SSH2: variants seen among roughly 807,000 people sequenced by gnomAD.
The protein encoded by SSH2 is slingshot protein phosphatase 2.
A neutral mutation model predicts 135.2 loss-of-function variants in SSH2; 37 were observed. The observed-to-expected ratio is 0.27, with a 90% CI of 0.21 to 0.36. SSH2 has a LOEUF of 0.36. Ranked by LOEUF, SSH2 falls within the 10% of genes least tolerant of loss-of-function variation. SSH2 has a pLI of 1.00. For synonymous variants in SSH2, 628 were observed against 646.2 expected, an observed-to-expected ratio of 0.97 and a Z score of 0.43; for missense variants, 1,408 against 1,765.3, an observed-to-expected ratio of 0.80 and a Z score of 3.63.
intron 1 of SSH2, among the ~76,000 whole-genome samples, chr17:29,894,931 A>G (rs1273569348): frequency 1.3e-5 from 2 of 148,722 alleles, no homozygotes; most frequent in Non-Finnish European, 3.0e-5. Context: ...ATTCTTCCAT[A>G]TTCCTCATGG....
At chr17:29,896,673 A>G (rs1364114914) in intron 1 of SSH2, among the ~76,000 whole-genome samples, 1 of 151,498 alleles carries the variant, frequency 6.6e-6, no homozygotes, top group African/African-American at 2.4e-5. Flanking sequence ...TAATTACATG[A>G]TATTCTAATC....
chr17:29,759,161 T>A (rs2041215501), intron 3 of SSH2, among the ~76,000 whole-genome samples: 2 of 152,092 alleles, frequency 1.3e-5, no homozygotes. Context: ...TCAGCCTCCT[T>A]AGTAGCTGAG....
At chr17:29,717,769 G>A (rs778562164) in intron 3 of SSH2, among the ~76,000 whole-genome samples, 3 of 152,172 alleles carry the variant, frequency 2.0e-5, no homozygotes, top group Non-Finnish European at 4.4e-5. Context: ...GCATGGTGGT[G>A]TGCACCTGTA....
intron 3 of SSH2, among the ~76,000 whole-genome samples, chr17:29,746,088 A>C (rs765511352): frequency 6.6e-6 from 1 of 152,236 alleles, no homozygotes; most frequent in Non-Finnish European, 1.5e-5. Flanking sequence ...GGTAGGATTA[A>C]CACAATGATA....
chr17:29,725,347 C>CAAAAAAAAAAAAAAAAAAAAA lies in SSH2; in HGVS notation c.189-22306_189-22286dup, dbSNP rs11449000. On this transcript the variant is annotated intron_variant, in intron 3 of 15. Transcript: ENST00000540801. ...GGGCGACACAGCAAGAATCAGTCTC[C>CAAAAAAAAAAAAAAAAAAAAA]AAAAAAAAAAAAAAAAAAAAAAGCC... 5.7e-5 allele frequency among the ~76,000 whole-genome samples: 3 copies of CAAAAAAAAAAAAAAAAAAAAA among 52,788 alleles called. 1 individual carries two copies. Among genetic ancestry groups the CAAAAAAAAAAAAAAAAAAAAA allele is most frequent in the Admixed American group, 2.8e-4 (1 of 3,514 alleles). 34.6% of individuals were successfully genotyped at this position (52,788 alleles called of 152,430 possible).
At chr17:29,747,524 C>G (rs1363816294) in intron 3 of SSH2, among the ~76,000 whole-genome samples, 2 of 152,212 alleles carry the variant, frequency 1.3e-5, no homozygotes, top group African/African-American at 2.4e-5. Context: ...TTATAAATTA[C>G]TGGCTACACC....
intron 2 of SSH2, among the ~76,000 whole-genome samples, chr17:29,804,361 G>T (rs2042302724): frequency 6.6e-6 from 1 of 152,140 alleles, no homozygotes. Context: ...AGTCAGGATG[G>T]TCAGCAACAA....
chr17:29,645,512 G>A (rs538470052), intron 14 of SSH2: 16 of 152,158 alleles, frequency 1.1e-4, no homozygotes, highest in African/African-American at 3.9e-4. Context: ...CAACCCAACA[G>A]CTTGCAGAAG....
intron 6 of SSH2, among the ~76,000 whole-genome samples, chr17:29,682,774 AT>A (rs2038039625): frequency 6.6e-6 from 1 of 152,228 alleles, no homozygotes; most frequent in Admixed American, 6.5e-5. Context: ...AGGTCCTAAA[AT>A]CCTAATGAAT....
chr17:29,655,425 A>G, intron 12 of SSH2, 136 bp downstream of exon 12: 1 of 862,278 alleles, frequency 1.2e-6, no homozygotes. Context: ...TTTTTCTTAG[A>G]TTACATCTGA....
chr17:29,737,609 C>G (rs1000726109), intron 3 of SSH2, among the ~76,000 whole-genome samples: 1 of 152,172 alleles, frequency 6.6e-6, no homozygotes, highest in East Asian at 1.9e-4. Flanking sequence ...ACTGCCCTTT[C>G]GTCTTCAACA....
At chr17:29,848,737 G>T in intron 2 of SSH2, 112 bp downstream of exon 2, 1 of 666,222 alleles carries the variant, frequency 1.5e-6, no homozygotes, top group Non-Finnish European at 2.5e-6. Context: ...GCTGAATGGG[G>T]TCAAATAGAT....
At chr17:29,701,072 A>G (rs1047452295) in intron 4 of SSH2, among the ~76,000 whole-genome samples, 3 of 149,546 alleles carry the variant, frequency 2.0e-5, no homozygotes, top group African/African-American at 4.9e-5. Flanking sequence ...CCGGGTTCAC[A>G]CCATTCTCCT....
intron 15 of SSH2, among the ~76,000 whole-genome samples, chr17:29,635,709 T>A (rs1394446756): frequency 6.6e-6 from 1 of 152,208 alleles, no homozygotes; most frequent in South Asian, 2.1e-4. Context: ...CGCCTGGTCA[T>A]CTTTGGACTT....
chr17:29,750,683 T>C (rs907719590), intron 3 of SSH2, among the ~76,000 whole-genome samples: 1 of 151,272 alleles, frequency 6.6e-6, no homozygotes, highest in Non-Finnish European at 1.5e-5. Flanking sequence ...CTACTGTGCA[T>C]GGCTATACCT....
chr17:29,701,534 C>T (rs1412766117), intron 4 of SSH2, among the ~76,000 whole-genome samples: 1 of 151,478 alleles, frequency 6.6e-6, no homozygotes, highest in Non-Finnish European at 1.5e-5. Flanking sequence ...CTCAGCCTCC[C>T]AGGTAGCTAG....
intron 6 of SSH2, among the ~76,000 whole-genome samples, chr17:29,680,721 G>A (rs189534860): frequency 6.6e-6 from 1 of 152,128 alleles, no homozygotes; most frequent in African/African-American, 2.4e-5. Flanking sequence ...TTGTTGAGTA[G>A]ATGAGATGAG....
intron 14 of SSH2, chr17:29,645,004 A>C (rs1409877510): frequency 2.0e-5 from 3 of 152,228 alleles, no homozygotes; most frequent in African/African-American, 7.2e-5. Context: ...TTCCCATTTC[A>C]GTTTTGAATG....
chr17:29,744,865 G>A (rs935085671), intron 3 of SSH2, among the ~76,000 whole-genome samples: 1 of 114,226 alleles, frequency 8.8e-6, no homozygotes, highest in African/African-American at 3.6e-5. Flanking sequence ...ACTTGAGTGT[G>A]TGTGTGTGTG....
Sources: allele counts gnomAD v4.1 joint callset (sites outside exome capture counted in the v4.1 genomes callset), GRCh38; gene constraint gnomAD v4.1.1; transcripts MANE v1.5; gene names NCBI Gene and HGNC (gene_info 2026-07-23, HGNC 2026-07-21).